Variants in HYCC1 observed in about 807,000 individuals in gnomAD.
The protein encoded by HYCC1 is hyccin PI4KA lipid kinase complex subunit 1.
chr7:22,957,095 T>C, the HYCC1 span, among the ~76,000 whole-genome samples: 1 of 151,922 alleles, frequency 6.6e-6, no homozygotes, highest in Non-Finnish European at 1.5e-5. Context: ...AAATTCATTT[T>C]AAAAACACTA....
the HYCC1 span, among the ~76,000 whole-genome samples, chr7:22,980,294 A>G: frequency 2.3e-4 from 35 of 151,584 alleles, no homozygotes; most frequent in African/African-American, 7.5e-4. Flanking sequence ...TTTCATGGAA[A>G]CCATATTATT....
chr7:22,981,835 A>G, the HYCC1 span, among the ~76,000 whole-genome samples: 3 of 152,226 alleles, frequency 2.0e-5, no homozygotes, highest in Non-Finnish European at 4.4e-5. Flanking sequence ...CATGTTAGTC[A>G]TGTATTTCAG....
the HYCC1 span, among the ~76,000 whole-genome samples, chr7:22,925,001 A>G: frequency 1.3e-5 from 2 of 152,186 alleles, no homozygotes; most frequent in Non-Finnish European, 2.9e-5. Context: ...AGGAACAATC[A>G]GGCAGCAGCA....
the HYCC1 span, chr7:22,939,757 A>AG: frequency 6.6e-6 from 1 of 152,210 alleles, no homozygotes; most frequent in Non-Finnish European, 1.5e-5. Context: ...GCCACTCAGC[A>AG]GCTAGGTGAC....
chr7:23,004,046 A>G, the HYCC1 span, among the ~76,000 whole-genome samples: 4 of 152,220 alleles, frequency 2.6e-5, no homozygotes, highest in South Asian at 8.3e-4. Flanking sequence ...TAACTGGGCT[A>G]AGAGTCAATT....
At chr7:23,011,586 C>T in the HYCC1 span, among the ~76,000 whole-genome samples, 4 of 152,172 alleles carry the variant, frequency 2.6e-5, no homozygotes, top group African/African-American at 4.8e-5. Context: ...CACGTTCAAT[C>T]CAATCCCTTT....
chr7:22,986,578 T>C, the HYCC1 span, among the ~76,000 whole-genome samples: 1 of 152,242 alleles, frequency 6.6e-6, no homozygotes, highest in African/African-American at 2.4e-5. Context: ...CTGGGCGCGA[T>C]GGCTCACGCC....
the HYCC1 span, chr7:22,978,533 T>C: frequency 8.8e-7 from 1 of 1,131,030 alleles, no homozygotes; most frequent in Non-Finnish European, 1.3e-6. Flanking sequence ...TTTTCTCAGA[T>C]TGGTAAAAAT....
the HYCC1 span, among the ~76,000 whole-genome samples, chr7:22,908,278 C>T: frequency 6.6e-6 from 1 of 152,192 alleles, no homozygotes; most frequent in African/African-American, 2.4e-5. Flanking sequence ...CTAACAAGAG[C>T]CCTGGTACCC....
chr7:22,997,514 T>C, the HYCC1 span, among the ~76,000 whole-genome samples: 1 of 152,162 alleles, frequency 6.6e-6, no homozygotes, highest in South Asian at 2.1e-4. Context: ...TACCAGAAGA[T>C]TATCAAGAAT....
the HYCC1 span, among the ~76,000 whole-genome samples, chr7:22,923,777 T>C: frequency 2.0e-5 from 3 of 151,950 alleles, no homozygotes; most frequent in Admixed American, 1.3e-4. Context: ...ATGGAAATAC[T>C]ATAAACAACT....
chr7:22,978,248 T>C, the HYCC1 span: 3 of 1,610,114 alleles, frequency 1.9e-6, no homozygotes, highest in African/African-American at 4.0e-5. Flanking sequence ...AAAGATTTTG[T>C]TAACTCCATT....
chr7:22,920,509 T>C, the HYCC1 span, among the ~76,000 whole-genome samples: 1 of 152,056 alleles, frequency 6.6e-6, no homozygotes, highest in Non-Finnish European at 1.5e-5. Flanking sequence ...TTGAATCTTA[T>C]ATCTAGCAAA....
chr7:23,009,432 C>T, the HYCC1 span, among the ~76,000 whole-genome samples: 477 of 152,204 alleles, frequency 3.1e-3, 3 homozygotes, highest in African/African-American at 0.011. Context: ...TTCTTTATCA[C>T]AATGAAAGAA....
chr7:23,006,923 T>C, the HYCC1 span, among the ~76,000 whole-genome samples: 4 of 152,244 alleles, frequency 2.6e-5, no homozygotes, highest in South Asian at 8.3e-4. Context: ...CTTTGATCTC[T>C]TGTATGTGGT....
chr7:22,901,006 G>A, the HYCC1 span, among the ~76,000 whole-genome samples: 1 of 152,012 alleles, frequency 6.6e-6, no homozygotes, highest in Non-Finnish European at 1.5e-5. Flanking sequence ...GATTCCTTGA[G>A]CCCAGGAGTT....
the HYCC1 span, among the ~76,000 whole-genome samples, chr7:22,990,526 T>C: frequency 1.3e-5 from 2 of 152,198 alleles, no homozygotes. Context: ...AATTAGCTGA[T>C]TAAAGAAATA....
chr7:22,901,082 G>A, the HYCC1 span, among the ~76,000 whole-genome samples: 21 of 151,792 alleles, frequency 1.4e-4, no homozygotes, highest in East Asian at 1.6e-3. Context: ...TTACCCAGGT[G>A]TGGTGGTTTG....
At chr7:22,989,813 C>T in the HYCC1 span, among the ~76,000 whole-genome samples, 1 of 152,160 alleles carries the variant, frequency 6.6e-6, no homozygotes, top group Admixed American at 6.6e-5. Context: ...ATAAAAGAGA[C>T]AGATAAGGCC....
Sources: allele counts gnomAD v4.1 joint callset (sites outside exome capture counted in the v4.1 genomes callset), GRCh38; gene constraint gnomAD v4.1.1; transcripts MANE v1.5; gene names NCBI Gene and HGNC (gene_info 2026-07-23, HGNC 2026-07-21).